The following LAMA3 variants were observed in gnomAD, a reference collection of about 807,000 sequenced individuals.
The protein encoded by LAMA3 is laminin subunit alpha-3.
Under a neutral mutation model 402.0 loss-of-function variants are expected in LAMA3, and 281 were observed. The ratio of observed to expected loss-of-function variants is 0.70; its 90% CI spans 0.63 to 0.77. The LOEUF (loss-of-function observed/expected upper bound fraction) is 0.77. Among genes scored for constraint, LAMA3 ranks in the 30% least tolerant of loss-of-function variants. The pLI is 0.00. For synonymous variants in LAMA3, 1,431 were observed against 1,558.4 expected (o/e 0.92, Z 1.93); for missense variants, 3,840 against 4,215.5 (o/e 0.91, Z 2.47).
At chr18:23,789,054 A>G (rs964004786) in intron 12 of LAMA3, among the ~76,000 whole-genome samples, 3 of 152,158 alleles carry the variant, frequency 2.0e-5, no homozygotes, top group Non-Finnish European at 4.4e-5. Flanking sequence ...TTCCAAGAAG[A>G]TATACAAATG....
intron 59 of LAMA3, among the ~76,000 whole-genome samples, chr18:23,916,164 C>A (rs1473345682): frequency 1.3e-5 from 2 of 152,088 alleles, no homozygotes; most frequent in Non-Finnish European, 2.9e-5. Flanking sequence ...ACCTTCCCTA[C>A]AATTACAAGG....
intron 37 of LAMA3, among the ~76,000 whole-genome samples, chr18:23,870,124 G>A (rs112262111): frequency 1.5e-3 from 230 of 152,178 alleles, no homozygotes; most frequent in African/African-American, 4.4e-3. Flanking sequence ...CCAACATGGC[G>A]AAACCCTGTC....
chr18:23,841,269 T>G (rs1039481486), intron 27 of LAMA3, among the ~76,000 whole-genome samples: 2 of 152,140 alleles, frequency 1.3e-5, no homozygotes, highest in African/African-American at 4.8e-5. Flanking sequence ...AGGATGAGCT[T>G]TAGTTGTTAT....
chr18:23,930,308 G>C (rs977008003), intron 64 of LAMA3, among the ~76,000 whole-genome samples: 35 of 151,834 alleles, frequency 2.3e-4, no homozygotes, highest in African/African-American at 8.5e-4. Flanking sequence ...ATAATGACTA[G>C]GAAATAAAAA....
intron 2 of LAMA3, among the ~76,000 whole-genome samples, chr18:23,727,798 T>C (rs940147416): frequency 6.6e-6 from 1 of 152,102 alleles, no homozygotes; most frequent in Non-Finnish European, 1.5e-5. Context: ...GGCGTGATCA[T>C]AGCTCACTGG....
intron 35 of LAMA3, 130 bp from the exon 36 acceptor site, chr18:23,864,655 T>C: frequency 1.4e-6 from 1 of 707,430 alleles, no homozygotes; most frequent in Non-Finnish European, 2.6e-6. Flanking sequence ...ACCTCCTAGA[T>C]ACAACCCTTG....
chr18:23,766,749 G>A (rs907408111), intron 8 of LAMA3, among the ~76,000 whole-genome samples: 2 of 151,834 alleles, frequency 1.3e-5, no homozygotes, highest in Non-Finnish European at 2.9e-5. Flanking sequence ...TGAGGCATGA[G>A]AATCACTTGA....
intron 32 of LAMA3, among the ~76,000 whole-genome samples, chr18:23,852,904 C>A (rs539049890): frequency 2.6e-5 from 4 of 152,224 alleles, no homozygotes; most frequent in African/African-American, 9.6e-5. Context: ...CTCCTACTAC[C>A]CCCAAATTAT....
intron 7 of LAMA3, among the ~76,000 whole-genome samples, chr18:23,759,608 T>C (rs1486968637): frequency 1.3e-5 from 2 of 152,210 alleles, no homozygotes; most frequent in African/African-American, 4.8e-5. Flanking sequence ...GGTTTCGCCA[T>C]GTTGGCCAGG....
At chr18:23,903,509 C>CT (rs535018320) in intron 49 of LAMA3, among the ~76,000 whole-genome samples, 5 of 151,974 alleles carry the variant, frequency 3.3e-5, no homozygotes, top group Admixed American at 2.6e-4. Context: ...ATAACTATTT[C>CT]TTTTTTTTAT....
chr18:23,861,736 G>T lies in LAMA3; in HGVS notation c.4513G>T (p.Asp1505Tyr). ...FNPGSNSMVA[D>Y]LQELPATIHS... ...CCCAGGCAGCAACAGTATGGTGGCGGATCTCCAGGAGCTGCCCGCAACCAT... is the reference window on the plus strand; with the variant it reads ...CCCAGGCAGCAACAGTATGGTGGCGTATCTCCAGGAGCTGCCCGCAACCAT... The change falls in exon 35 of 75, where the codon GAT becomes TAT. Residue 1505 changes from aspartate to tyrosine, a missense_variant. Physicochemically the swap from Asp to Tyr is radical, Grantham distance 160 (BLOSUM62 -3). This residue lies in a region of LAMA3 where 2,109 missense variants were observed against 2,376.0 expected (regional missense o/e 0.89). Transcript: ENST00000313654. 6.2e-7 allele frequency: 1 copy of T among 1,614,014 alleles called. No homozygotes were observed. Among genetic ancestry groups the T allele is most frequent in the African/African-American group, 1.3e-5 (1 of 75,006 alleles).
At position 23,915,280 on chromosome 18, in the gene LAMA3, C is replaced by A; in HGVS notation, c.7645-9C>A. 1 of 1,612,868 alleles carries A rather than the reference C, an allele frequency of 6.2e-7. No homozygotes were observed. The highest frequency in any genetic ancestry group is 1.1e-5 in the South Asian group (1 of 90,974). On this transcript the variant is annotated splice_polypyrimidine_tract_variant and intron_variant, in intron 58 of 74. Coordinates refer to ENST00000313654, the MANE Select transcript of LAMA3 (RefSeq NM_198129.4). ...TCAATTGGTGGAAGATGTTTTATTT[C>A]ATTTTCAGCTTCCCAGTCGACTAAG...
intron 59 of LAMA3, 113 bp from the exon 60 acceptor site, chr18:23,916,438 G>A: frequency 8.3e-7 from 1 of 1,203,568 alleles, no homozygotes; most frequent in Non-Finnish European, 1.2e-6. Context: ...ATGACAACTA[G>A]ATTGCATTTT....
At chr18:23,791,734 TA>T (rs11348422) in intron 12 of LAMA3, among the ~76,000 whole-genome samples, 45,884 of 89,766 alleles carry the variant, frequency 0.51, 9,178 homozygotes, top group Middle Eastern at 0.68. Context: ...AGAATTTGTC[TA>T]AAAAAAAAAA....
At chr18:23,892,897 C>T (rs890554845) in intron 42 of LAMA3, among the ~76,000 whole-genome samples, 3 of 114,226 alleles carry the variant, frequency 2.6e-5, no homozygotes, top group Non-Finnish European at 3.3e-5. Flanking sequence ...GAGCGAAACT[C>T]TGTCTCAAAA....
intron 2 of LAMA3, among the ~76,000 whole-genome samples, chr18:23,732,188 G>C (rs2061405739): frequency 6.6e-6 from 1 of 152,198 alleles, no homozygotes; most frequent in Admixed American, 6.5e-5. Flanking sequence ...ATGAGGTCAA[G>C]GTTGCTGGTC....
intron 11 of LAMA3, among the ~76,000 whole-genome samples, chr18:23,783,247 A>G (rs2062472122): frequency 6.6e-6 from 1 of 152,214 alleles, no homozygotes; most frequent in African/African-American, 2.4e-5. Flanking sequence ...CATGACAACA[A>G]CACTTACACC....
rs34318861 is a variant in LAMA3, at chr18:23,858,760, G to C, written c.4353G>C (p.Lys1451Asn). The stretch of plus-strand genomic sequence containing the variant: ...TCCATTTGGACCCAGCCAATCTCAA[G>C]GGTTGTACCAGCTGTTTCTGTTTTG... ...GSFHLDPANL[K>N]GCTSCFCFGV... The change falls in exon 34 of 75, where the codon AAG becomes AAC. Residue 1451 changes from lysine to asparagine, a missense_variant. Lys to Asn is a moderately conservative substitution (Grantham distance 94, BLOSUM62 0). This residue lies in a region of LAMA3 where 2,109 missense variants were observed against 2,376.0 expected (regional missense o/e 0.89). Coordinates refer to ENST00000313654, the MANE Select transcript of LAMA3 (RefSeq NM_198129.4). The C allele has an allele frequency of 4.4e-5, 71 of 1,614,018 alleles. No individual in the cohort carries two copies. Among genetic ancestry groups the C allele is most frequent in the Non-Finnish European group, 5.5e-5 (65 of 1,179,976 alleles).
At chr18:23,744,208 C>G (rs571857500) in intron 2 of LAMA3, among the ~76,000 whole-genome samples, 1 of 152,264 alleles carries the variant, frequency 6.6e-6, no homozygotes, top group African/African-American at 2.4e-5. Context: ...AGCTGGAGAC[C>G]TTGGCAAGAT....
Sources: allele counts gnomAD v4.1 joint callset (sites outside exome capture counted in the v4.1 genomes callset), GRCh38; gene constraint gnomAD v4.1.1; regional missense constraint gnomAD v4.1.1; transcripts MANE v1.5; gene names NCBI Gene and HGNC (gene_info 2026-07-23, HGNC 2026-07-21).